TARS3: variants seen among roughly 807,000 people sequenced by gnomAD.
The protein encoded by TARS3 is threonyl-tRNA synthetase 3.
TARS3 carries 94 observed loss-of-function variants against 103.5 expected under a neutral mutation model. That is an observed-to-expected ratio of 0.91 (90% CI 0.77 to 1.08). TARS3 has a LOEUF of 1.08. Ranked by LOEUF, TARS3 falls within the 50% of genes least tolerant of loss-of-function variation. TARS3 has a pLI of 0.00. For missense variants in TARS3, 952 were observed against 995.2 expected, an observed-to-expected ratio of 0.96 and a Z score of 0.58; for synonymous variants, 416 against 355.4, an observed-to-expected ratio of 1.17 and a Z score of -1.92.
At chr15:101,674,495 G>A (rs1280749265) in intron 13 of TARS3, among the ~76,000 whole-genome samples, 4 of 152,156 alleles carry the variant, frequency 2.6e-5, no homozygotes, top group Non-Finnish European at 5.9e-5. Context: ...CTCACACTGC[G>A]AAAGTTCCAG....
chr15:101,684,587 C>T (rs1052731741), intron 11 of TARS3, among the ~76,000 whole-genome samples: 3 of 152,190 alleles, frequency 2.0e-5, no homozygotes, highest in South Asian at 2.1e-4. Context: ...TTTCTCCTCA[C>T]GTTCCTGGAA....
intron 10 of TARS3, among the ~76,000 whole-genome samples, chr15:101,697,041 G>T (rs1004391229): frequency 6.6e-6 from 1 of 152,134 alleles, no homozygotes; most frequent in Admixed American, 6.5e-5. Context: ...TCCCCCCTTT[G>T]TGAATATTCA....
chr15:101,683,119 C>A (rs1898320647), intron 12 of TARS3, among the ~76,000 whole-genome samples: 2 of 151,988 alleles, frequency 1.3e-5, no homozygotes, highest in African/African-American at 4.8e-5. Flanking sequence ...GATTTCTGCT[C>A]TGCTCTTTCT....
chr15:101,702,233 G>C lies in TARS3; in HGVS notation c.1221+6C>G. 6.2e-7 allele frequency: 1 copy of C among 1,614,032 alleles called. No individual in the cohort carries two copies. On this transcript the variant is annotated splice_donor_region_variant and intron_variant, in intron 9 of 18. Coordinates refer to ENST00000335968, the MANE Select transcript of TARS3 (RefSeq NM_152334.3). ...ACATCTCCAGTGATTAAGATGTGGG[G>C]CATACCTTCCCGATCTTCCTGTGAT...
At chr15:101,655,368 G>A (rs2141376073) in intron 18 of TARS3, among the ~76,000 whole-genome samples, 1 of 141,782 alleles carries the variant, frequency 7.1e-6, no homozygotes, top group East Asian at 2.2e-4. Flanking sequence ...GCAAATGAGA[G>A]GGGGGAGCTC....
intron 18 of TARS3, among the ~76,000 whole-genome samples, chr15:101,654,994 T>G (rs1431216279): frequency 6.6e-6 from 1 of 152,096 alleles, no homozygotes; most frequent in Non-Finnish European, 1.5e-5. Context: ...AGACTCACAC[T>G]GACTGCACCT....
chr15:101,716,216 C>T (rs1900152128), intron 3 of TARS3, among the ~76,000 whole-genome samples: 1 of 152,054 alleles, frequency 6.6e-6, no homozygotes, highest in Admixed American at 6.6e-5. Context: ...GGGGTTTCAC[C>T]ATATTGGCCA....
intron 13 of TARS3, among the ~76,000 whole-genome samples, chr15:101,674,494 C>T (rs187633720): frequency 4.6e-5 from 7 of 152,214 alleles, no homozygotes; most frequent in South Asian, 4.2e-4. Context: ...CCTCACACTG[C>T]GAAAGTTCCA....
intron 5 of TARS3, among the ~76,000 whole-genome samples, chr15:101,709,238 C>T (rs994247162): frequency 6.6e-6 from 1 of 152,188 alleles, no homozygotes; most frequent in African/African-American, 2.4e-5. Flanking sequence ...TAGTTTTGCT[C>T]AAGAGCCAGA....
chr15:101,702,444 C>T (rs1899332227), intron 8 of TARS3, 59 bp from the exon 9 acceptor site: 4 of 1,394,296 alleles, frequency 2.9e-6, no homozygotes, highest in Non-Finnish European at 4.1e-6. Flanking sequence ...AGTAAAACTG[C>T]TCTTAAATAC....
In TARS3 at chr15:101,657,876, A is replaced by C. The variant is rs552833085; in HGVS notation, c.2073-19T>G. 1 of 1,495,162 alleles carries C rather than the reference A, an allele frequency of 6.7e-7. No homozygotes were observed. The highest frequency in any genetic ancestry group is 1.4e-5 in the African/African-American group (1 of 71,112). 92.6% of individuals were successfully genotyped at this position (1,495,162 alleles called of 1,614,324 possible). ...GAAAGGCCTGAAAAATATATATAAA[A>C]TATGTATTTTCAAAGTGTAATAATG... On this transcript the variant is annotated intron_variant, in intron 16 of 18. Coordinates refer to ENST00000335968, the MANE Select transcript of TARS3 (RefSeq NM_152334.3).
At chr15:101,685,377 CAA>C (rs893126163) in intron 11 of TARS3, among the ~76,000 whole-genome samples, 4 of 151,854 alleles carry the variant, frequency 2.6e-5, no homozygotes, top group Non-Finnish European at 5.9e-5. Flanking sequence ...TTATGTGCTA[CAA>C]AGAAAGAAAA....
chr15:101,655,306 T>G (rs1255956387), intron 18 of TARS3, among the ~76,000 whole-genome samples: 1 of 137,222 alleles, frequency 7.3e-6, no homozygotes, highest in Admixed American at 7.1e-5. Flanking sequence ...AGGGCGCAGA[T>G]GAGAGGGGGG....
intron 12 of TARS3, among the ~76,000 whole-genome samples, chr15:101,677,468 G>A (rs1165470271): frequency 6.6e-6 from 1 of 151,866 alleles, no homozygotes; most frequent in Non-Finnish European, 1.5e-5. Flanking sequence ...CCTTAGACTG[G>A]GAGTTATACC....
At chr15:101,717,394 A>G (rs1192438887) in intron 3 of TARS3, among the ~76,000 whole-genome samples, 7 of 152,216 alleles carry the variant, frequency 4.6e-5, no homozygotes, top group Admixed American at 1.3e-4. Flanking sequence ...TAAATGTTAG[A>G]TGTTATTAAT....
Position 101,688,042 on chromosome 15 carries a change from A to C in TARS3, c.1321-1980T>G, listed in dbSNP as rs572645536. 2.0e-5 allele frequency among the ~76,000 whole-genome samples: 3 copies of C among 152,282 alleles called. No individual in the cohort carries two copies. In the East Asian group the frequency reaches 5.8e-4, roughly 29 times the overall value. ...TTTGTTATAGCAGCACAAACTAATG[A>C]ATATAATCCCTATGAGATGAAGTGT... is the stretch of plus-strand genomic sequence containing the variant. On this transcript the variant is annotated intron_variant, in intron 10 of 18. Transcript: ENST00000335968.
At chr15:101,687,534 T>A (rs1187394440) in intron 10 of TARS3, among the ~76,000 whole-genome samples, 2 of 152,162 alleles carry the variant, frequency 1.3e-5, no homozygotes, top group South Asian at 2.1e-4. Flanking sequence ...TGGGTGTGTG[T>A]GTGGCAGGGT....
intron 10 of TARS3, among the ~76,000 whole-genome samples, chr15:101,688,736 C>A (rs1318642062): frequency 2.0e-5 from 3 of 152,078 alleles, no homozygotes; most frequent in African/African-American, 7.2e-5. Flanking sequence ...TTAGAATCTG[C>A]AAAGTAGGTG....
At position 101,702,193 on chromosome 15, in the gene TARS3, T is replaced by C. The variant is rs1303204733; in HGVS notation, c.1221+46A>G. The C allele has an allele frequency of 1.9e-6, 3 of 1,599,510 alleles. No homozygotes were observed. In the South Asian group the frequency reaches 3.4e-5, roughly 18 times the overall value. On this transcript the variant is annotated intron_variant, in intron 9 of 18. Transcript: ENST00000335968. ...GTTTTGTGAGACAGAAACATTCCTA[T>C]GTTGGCTTATGATTACATCTCCAGT...
Sources: gnomAD v4.1 joint callset for allele counts (sites outside exome capture counted in the v4.1 genomes callset) on GRCh38, gnomAD v4.1.1 for gene constraint, MANE v1.5 for transcripts, NCBI Gene and HGNC (gene_info 2026-07-23, HGNC 2026-07-21) for gene names.